Variants in SPOCK3 observed in about 807,000 individuals in gnomAD.
SPOCK3 encodes SPARC (osteonectin), cwcv and kazal like domains proteoglycan 3.
In SPOCK3, 30 loss-of-function variants were observed where a neutral mutation model predicts 56.6. The observed-to-expected ratio is 0.53, with a 90% confidence interval of 0.40 to 0.72. SPOCK3 has a LOEUF of 0.72. Ranked by LOEUF, SPOCK3 falls within the 30% of genes least tolerant of loss-of-function variation. The pLI, the probability that SPOCK3 is intolerant of heterozygous loss-of-function variation, is 0.00. For synonymous variants in SPOCK3, 196 were observed against 183.3 expected, an observed-to-expected ratio of 1.07 and a Z score of -0.56; for missense variants, 527 against 530.0, an observed-to-expected ratio of 0.99 and a Z score of 0.06.
chr4:166,773,057 G>T (rs1259728953), intron 7 of SPOCK3, among the ~76,000 whole-genome samples: 2 of 152,154 alleles, frequency 1.3e-5, no homozygotes, highest in Non-Finnish European at 2.9e-5. Flanking sequence ...CTGCCAAAGT[G>T]CTGGGACTAC....
At chr4:166,958,774 A>T (rs774017879) in intron 4 of SPOCK3, among the ~76,000 whole-genome samples, 1 of 152,204 alleles carries the variant, frequency 6.6e-6, no homozygotes, top group Non-Finnish European at 1.5e-5. Context: ...TCCTTCTACT[A>T]GAACCTAAGG....
chr4:167,228,409 C>T (rs1378175873), intron 2 of SPOCK3, among the ~76,000 whole-genome samples: 1 of 152,076 alleles, frequency 6.6e-6, no homozygotes, highest in Admixed American at 6.6e-5. Context: ...TTGCTTGCTT[C>T]TCTTTAATTT....
intron 2 of SPOCK3, among the ~76,000 whole-genome samples, chr4:167,191,175 T>C (rs993474586): frequency 6.9e-6 from 1 of 145,926 alleles, no homozygotes; most frequent in Admixed American, 7.0e-5. Flanking sequence ...AAAAATGTCA[T>C]TGGAAATTTT....
At chr4:166,946,707 TA>T (rs141851277) in intron 4 of SPOCK3, among the ~76,000 whole-genome samples, 7,811 of 152,248 alleles carry the variant, frequency 0.051, 655 homozygotes, top group African/African-American at 0.18. Context: ...CTTGGTCCTT[TA>T]AAAAATATCC....
intron 2 of SPOCK3, among the ~76,000 whole-genome samples, chr4:167,217,355 GT>G (rs58611456): frequency 1.3e-5 from 2 of 150,488 alleles, no homozygotes; most frequent in Non-Finnish European, 1.5e-5. Flanking sequence ...ATGTACAGAT[GT>G]TTTTTTTTGT....
intron 2 of SPOCK3, among the ~76,000 whole-genome samples, chr4:167,107,648 A>T (rs1760280759): frequency 6.6e-6 from 1 of 151,892 alleles, no homozygotes; most frequent in African/African-American, 2.4e-5. Context: ...CCAGATTGTA[A>T]GGGAAAAAGT....
Position 166,740,711 on chromosome 4 carries a change from A to G in SPOCK3, c.994+1286T>C, listed in dbSNP as rs9996875. The stretch of plus-strand genomic sequence containing the variant: ...AGGCTAATTTTTGTATTTTCAGTAG[A>G]GGTGGGGTTTTGCCATATTGGCCAG... On this transcript the variant is annotated intron_variant, in intron 9 of 10. Coordinates refer to ENST00000357545, the MANE Select transcript of SPOCK3 (RefSeq NM_001040159.2). 9.6e-3 allele frequency among the ~76,000 whole-genome samples: 1,464 copies of G among 151,946 alleles called. 27 individuals carry two copies. The highest frequency in any genetic ancestry group is 0.033 in the African/African-American group (1,386 of 41,434).
intron 2 of SPOCK3, among the ~76,000 whole-genome samples, chr4:167,196,517 CT>C (rs201316331): frequency 1.5e-4 from 22 of 147,458 alleles, no homozygotes; most frequent in Admixed American, 1.4e-4. Context: ...TTCTTTCTTT[CT>C]TTTTTTTTTA....
intron 3 of SPOCK3, among the ~76,000 whole-genome samples, chr4:167,030,118 TATC>T (rs1334050749): frequency 1.7e-3 from 260 of 151,818 alleles, no homozygotes; most frequent in African/African-American, 5.6e-3. Context: ...TCTATCTATC[TATC>T]TATCTATCTT....
intron 2 of SPOCK3, among the ~76,000 whole-genome samples, chr4:167,149,970 AT>A: frequency 6.6e-6 from 1 of 152,186 alleles, no homozygotes; most frequent in Non-Finnish European, 1.5e-5. Context: ...CAGGTAATTC[AT>A]TTAAATGGCT....
chr4:166,791,179 G>T (rs1362494858), intron 7 of SPOCK3, among the ~76,000 whole-genome samples: 1 of 152,098 alleles, frequency 6.6e-6, no homozygotes, highest in Non-Finnish European at 1.5e-5. Flanking sequence ...TTGCACTTCT[G>T]CATTAAATCA....
chr4:166,909,847 AT>A (rs1188378567), intron 5 of SPOCK3, among the ~76,000 whole-genome samples: 1 of 152,164 alleles, frequency 6.6e-6, no homozygotes, highest in Non-Finnish European at 1.5e-5. Flanking sequence ...AGATCTTGTG[AT>A]CTCTTATCTA....
At chr4:166,779,018 G>A (rs1417332401) in intron 7 of SPOCK3, among the ~76,000 whole-genome samples, 3 of 152,028 alleles carry the variant, frequency 2.0e-5, no homozygotes, top group Admixed American at 1.3e-4. Context: ...CCCAAAACTC[G>A]GATGATCTAT....
At chr4:167,041,912 G>GA (rs1416801647) in intron 3 of SPOCK3, among the ~76,000 whole-genome samples, 1 of 151,818 alleles carries the variant, frequency 6.6e-6, no homozygotes, top group Non-Finnish European at 1.5e-5. Flanking sequence ...AAAATTAAAT[G>GA]AAAAAATGGT....
intron 6 of SPOCK3, among the ~76,000 whole-genome samples, chr4:166,796,103 A>T (rs1741909226): frequency 6.6e-6 from 1 of 152,154 alleles, no homozygotes; most frequent in Admixed American, 6.5e-5. Context: ...CAGATACCGA[A>T]TTTGCTGGTG....
intron 6 of SPOCK3, among the ~76,000 whole-genome samples, chr4:166,887,860 GAAA>G (rs71604450): frequency 3.6e-5 from 5 of 140,064 alleles, no homozygotes; most frequent in African/African-American, 1.3e-4. Flanking sequence ...ATAACTTATG[GAAA>G]AAAAAAAAAA....
chr4:166,899,289 T>A (rs1272577150), intron 5 of SPOCK3, among the ~76,000 whole-genome samples: 1 of 140,678 alleles, frequency 7.1e-6, no homozygotes, highest in Non-Finnish European at 1.5e-5. Context: ...TATCTATCTA[T>A]CTATCTATCT....
chr4:167,228,989 A>G (rs1488679813), intron 2 of SPOCK3, among the ~76,000 whole-genome samples: 1 of 152,212 alleles, frequency 6.6e-6, no homozygotes, highest in Non-Finnish European at 1.5e-5. Flanking sequence ...GAAAGAGAGA[A>G]AAACACTCAT....
chr4:166,945,871 C>T (rs965963612), intron 4 of SPOCK3, among the ~76,000 whole-genome samples: 5 of 152,294 alleles, frequency 3.3e-5, no homozygotes, highest in African/African-American at 1.2e-4. Flanking sequence ...AGCCTTCACA[C>T]CTTCTCCACC....
Sources: allele counts gnomAD v4.1 joint callset (sites outside exome capture counted in the v4.1 genomes callset), GRCh38; gene constraint gnomAD v4.1.1; transcripts MANE v1.5; gene names NCBI Gene and HGNC (gene_info 2026-07-23, HGNC 2026-07-21).